Variants in PRDM15 observed in about 807,000 individuals in gnomAD.
The protein encoded by PRDM15 is PR/SET domain 15, also known as PR domain zinc finger protein 15.
A neutral mutation model predicts 128.6 loss-of-function variants in PRDM15; 64 were observed. The observed-to-expected ratio is 0.50, with a 90% CI of 0.41 to 0.61. The LOEUF is 0.61. Ranked by LOEUF, PRDM15 falls within the 20% of genes least tolerant of loss-of-function variation. PRDM15 has a pLI of 0.00. For missense variants in PRDM15, 1,242 were observed against 1,569.1 expected, an observed-to-expected ratio of 0.79 and a Z score of 3.52; for synonymous variants, 615 against 621.8, an observed-to-expected ratio of 0.99 and a Z score of 0.16.
intron 18 of PRDM15, among the ~76,000 whole-genome samples, 185 bp from the exon 19 acceptor site, chr21:41,816,021 G>A (rs2062038133): frequency 6.6e-6 from 1 of 152,236 alleles, no homozygotes; most frequent in Non-Finnish European, 1.5e-5. Context: ...GTGCCCAGAG[G>A]CCGGGAGGGA....
intron 1 of PRDM15, among the ~76,000 whole-genome samples, chr21:41,868,298 C>T (rs373359648): frequency 3.9e-5 from 6 of 152,184 alleles, no homozygotes; most frequent in African/African-American, 1.2e-4. Flanking sequence ...TAGGAGCAAT[C>T]GTGTACAGGT....
chr21:41,837,328 C>T (rs2062927780), intron 8 of PRDM15, among the ~76,000 whole-genome samples: 1 of 152,154 alleles, frequency 6.6e-6, no homozygotes, highest in Non-Finnish European at 1.5e-5. Flanking sequence ...TCAATGGATG[C>T]ATGGAAACAC....
chr21:41,840,192 C>T (rs771989479), intron 6 of PRDM15, among the ~76,000 whole-genome samples: 1 of 152,144 alleles, frequency 6.6e-6, no homozygotes, highest in Non-Finnish European at 1.5e-5. Flanking sequence ...TGCCTGTAAT[C>T]CCAGCACTTT....
chr21:41,878,875 C>T (rs1199997930), intron 1 of PRDM15: 3 of 958,998 alleles, frequency 3.1e-6, no homozygotes, highest in Non-Finnish European at 3.7e-6. Flanking sequence ...GCCGCGCCCA[C>T]GGGCGAGCGC....
At chr21:41,826,261 A>T (rs1045829803) in intron 12 of PRDM15, among the ~76,000 whole-genome samples, 5 of 152,182 alleles carry the variant, frequency 3.3e-5, no homozygotes, top group Non-Finnish European at 5.9e-5. Context: ...AGCCCCAGGG[A>T]AGGAAGGGAG....
chr21:41,876,803 G>A (rs2064434088), intron 1 of PRDM15, among the ~76,000 whole-genome samples: 2 of 152,172 alleles, frequency 1.3e-5, no homozygotes, highest in African/African-American at 4.8e-5. Context: ...GGCCTGCCTG[G>A]CTCTGGAACT....
At chr21:41,830,604 CCACA>C (rs1353918281) in intron 11 of PRDM15, among the ~76,000 whole-genome samples, 1 of 151,672 alleles carries the variant, frequency 6.6e-6, no homozygotes, top group Non-Finnish European at 1.5e-5. Context: ...TCAACACACA[CCACA>C]TACACACAAA....
At position 41,828,394 on chromosome 21, in the gene PRDM15, C is replaced by A. The variant is rs916183784; in HGVS notation, c.1367-61G>T. The A allele has an allele frequency of 1.5e-5, 24 of 1,575,474 alleles. No individual in the cohort carries two copies. The highest frequency in any genetic ancestry group is 1.0e-4 in the Admixed American group (6 of 59,850). The stretch of plus-strand genomic sequence containing the variant: ...AGGTAAATAACATCTCACGCAGGCA[C>A]GCACGTGTGGCCTGAACGTCAATAA... On this transcript the variant is annotated intron_variant, in intron 11 of 23. Transcript: ENST00000398548. This position sits in a 1 kb window ranked among gnomAD's most constrained non-coding sequence, Gnocchi z 5.7.
intron 6 of PRDM15, 36 bp downstream of exon 6, chr21:41,847,054 G>A (rs1363238992): frequency 8.2e-5 from 114 of 1,390,588 alleles, no homozygotes; most frequent in Non-Finnish European, 1.1e-4. Context: ...CGACACAGGA[G>A]TTTTACAACT....
At chr21:41,802,177 G>T (rs2061433822) in intron 23 of PRDM15, among the ~76,000 whole-genome samples, 1 of 152,168 alleles carries the variant, frequency 6.6e-6, no homozygotes, top group Non-Finnish European at 1.5e-5. Context: ...TTGCAGTCAA[G>T]ATTACCATCC....
intron 11 of PRDM15, among the ~76,000 whole-genome samples, chr21:41,830,227 C>G (rs1428325773): frequency 6.7e-6 from 1 of 148,892 alleles, no homozygotes; most frequent in Non-Finnish European, 1.5e-5. Context: ...CACAATCACA[C>G]CACACACTCA....
In PRDM15 at chr21:41,832,697, A is replaced by G. The variant is rs2062737259; in HGVS notation, c.1366+2740T>C. On this transcript the variant is annotated intron_variant, in intron 11 of 23. Transcript: ENST00000398548. This position sits in a 1 kb window ranked among gnomAD's most constrained non-coding sequence, Gnocchi z 4.2. ...TTCCCAGGCAGGTACCAACCAATAC[A>G]AGTGAGCCCCCCTCCCAGGCAGGTG... Among the ~76,000 whole-genome samples the G allele has an allele frequency of 6.6e-6, 1 of 152,006 alleles. No homozygotes were observed. The highest frequency in any genetic ancestry group is 6.6e-5 in the Admixed American group (1 of 15,262).
rs776473354 is a variant in PRDM15, at chr21:41,828,148, G to T, written c.1534+18C>A. The T allele has an allele frequency of 1.2e-6, 2 of 1,611,950 alleles. No individual in the cohort carries two copies. Among genetic ancestry groups the T allele is most frequent in the South Asian group, 2.2e-5 (2 of 91,038 alleles). On this transcript the variant is annotated intron_variant, in intron 12 of 23. Coordinates refer to ENST00000398548, the MANE Select transcript of PRDM15 (RefSeq NM_001040424.3). This position sits in a 1 kb window ranked among gnomAD's most constrained non-coding sequence, Gnocchi z 5.7. ...AGCTGCCTCTCCCCGCCCGCAGCAG[G>T]TGCGCAGGCGGCCTCACCTTCCAGG...
chr21:41,855,137 T>G (rs969997675), intron 4 of PRDM15, among the ~76,000 whole-genome samples: 1 of 152,138 alleles, frequency 6.6e-6, no homozygotes, highest in Non-Finnish European at 1.5e-5. Context: ...CTAGTGGGCA[T>G]GGGGACACCA....
intron 13 of PRDM15, among the ~76,000 whole-genome samples, chr21:41,825,663 C>T (rs534296953): frequency 7.2e-5 from 11 of 152,306 alleles, no homozygotes; most frequent in African/African-American, 2.6e-4. Context: ...CGATGCTATA[C>T]AGGAGAGTGG....
Position 41,821,884 on chromosome 21 carries a change from C to T in PRDM15, c.1896+19G>A, listed in dbSNP as rs780767382. Reference sequence around the variant, plus strand: ...TCCTCTCCAGACCACCCAGGCACCGCGGGGCAAACCCGCCATACCTGGCAC... The same window carrying T: ...TCCTCTCCAGACCACCCAGGCACCGTGGGGCAAACCCGCCATACCTGGCAC... On this transcript the variant is annotated intron_variant, in intron 15 of 23. Coordinates refer to ENST00000398548, the MANE Select transcript of PRDM15 (RefSeq NM_001040424.3). The surrounding 1 kb of genome is among the most constrained non-coding windows in gnomAD (Gnocchi z 5.4). 1.1e-5 allele frequency: 18 copies of T among 1,612,826 alleles called. No individual in the cohort carries two copies. Among genetic ancestry groups the T allele is most frequent in the Admixed American group, 3.3e-5 (2 of 60,012 alleles).
chr21:41,845,569 G>T (rs911659011), intron 6 of PRDM15, among the ~76,000 whole-genome samples: 2 of 151,808 alleles, frequency 1.3e-5, no homozygotes, highest in African/African-American at 4.8e-5. Flanking sequence ...CAAGGCTGCC[G>T]TGCTGTGGGC....
At chr21:41,812,280 G>GTA (rs1259910822) in intron 19 of PRDM15, 3 of 152,210 alleles carry the variant, frequency 2.0e-5, no homozygotes, top group Non-Finnish European at 4.4e-5. Context: ...AACACAAATT[G>GTA]TAAGTGAGTG....
In PRDM15 at chr21:41,815,749, A is replaced by T; in HGVS notation, c.2348T>A (p.Phe783Tyr). The change falls in exon 19 of 24, where the codon TTC (phenylalanine) becomes TAC (tyrosine). Residue 783 changes from phenylalanine to tyrosine, a missense_variant. By Grantham distance (22) the Phe-to-Tyr change is conservative. Around this residue, in one of 3 missense-constraint regions of PRDM15, gnomAD observed 602 missense variants for 788.3 expected, o/e 0.76. Transcript: ENST00000398548. ...EYECKECHRRFAQKVNMLKHC... is the reference protein window; with the variant it reads ...EYECKECHRRYAQKVNMLKHC... ...CTTGAGCATGTTGACCTTCTGCGCGAACCTGCGGTGGCACTCCTTGCACTC... is the reference window on the plus strand; with the variant it reads ...CTTGAGCATGTTGACCTTCTGCGCGTACCTGCGGTGGCACTCCTTGCACTC... 6.2e-7 allele frequency: 1 copy of T among 1,614,024 alleles called. No individual in the cohort carries two copies. The highest frequency in any genetic ancestry group is 1.1e-5 in the South Asian group (1 of 91,076).
Sources: allele counts gnomAD v4.1 joint callset (sites outside exome capture counted in the v4.1 genomes callset), GRCh38; gene constraint gnomAD v4.1.1; regional missense constraint gnomAD v4.1.1; non-coding constraint Gnocchi (gnomAD v3.1); transcripts MANE v1.5; gene names NCBI Gene and HGNC (gene_info 2026-07-23, HGNC 2026-07-21).